LPP: variants seen among roughly 807,000 people sequenced by gnomAD.
LPP encodes lipoma-preferred partner.
A neutral mutation model predicts 60.4 loss-of-function variants in LPP; 38 were observed. That is an observed-to-expected ratio of 0.63 (90% CI 0.49 to 0.83). The LOEUF is 0.83. LPP is among the 40% of genes least tolerant of loss of function. LPP has a pLI of 0.00. For synonymous variants in LPP, 328 were observed against 290.8 expected (o/e 1.13, Z -1.30); for missense variants, 902 against 783.6 (o/e 1.15, Z -1.80).
intron 7 of LPP, among the ~76,000 whole-genome samples, chr3:188,691,008 G>A (rs745469080): frequency 2.0e-5 from 3 of 151,936 alleles, no homozygotes; most frequent in Non-Finnish European, 2.9e-5. Flanking sequence ...TTTTTCCCTA[G>A]AGAGAAACAG....
At chr3:188,829,853 G>A (rs556763742) in intron 9 of LPP, among the ~76,000 whole-genome samples, 23 of 151,822 alleles carry the variant, frequency 1.5e-4, no homozygotes, top group East Asian at 1.2e-3. Context: ...TTGCCCTCCC[G>A]GACACATGGG....
At chr3:188,186,075 T>A (rs574770588) in intron 1 of LPP, among the ~76,000 whole-genome samples, 6 of 151,880 alleles carry the variant, frequency 4.0e-5, no homozygotes, top group Admixed American at 6.5e-5. Flanking sequence ...CCCGGAGCCA[T>A]AGTTCTTGAG....
intron 2 of LPP, among the ~76,000 whole-genome samples, chr3:188,293,719 A>T (rs111525824): frequency 0.034 from 5,157 of 152,212 alleles, 287 homozygotes; most frequent in African/African-American, 0.12. Flanking sequence ...TAAAGTACTG[A>T]TATGGACTAC....
At chr3:188,688,760 A>G (rs760306309) in intron 7 of LPP, 3 of 503,280 alleles carry the variant, frequency 6.0e-6, no homozygotes. Flanking sequence ...GATGCTGAAG[A>G]TACAAGAAAA....
rs186782526 is a variant in LPP at position 188,697,169 on chromosome 3, C to T, written c.1114-11098C>T. Among the ~76,000 whole-genome samples, 21 of 152,252 alleles carry T rather than the reference C, an allele frequency of 1.4e-4. No individual in the cohort carries two copies. In the East Asian group the frequency reaches 2.5e-3, roughly 18 times the overall value. On this transcript the variant is annotated intron_variant, in intron 7 of 11. Transcript: ENST00000617246. The stretch of plus-strand genomic sequence containing the variant: ...TCTGTCAGAAGGTAGGATTGCTTGC[C>T]TAGGGTGGCATTGTTATTGAACAAA...
intron 5 of LPP, among the ~76,000 whole-genome samples, chr3:188,497,543 C>T (rs1202934650): frequency 6.6e-6 from 1 of 151,868 alleles, no homozygotes; most frequent in Non-Finnish European, 1.5e-5. Flanking sequence ...AGAAACTATC[C>T]CCTGAATAGA....
intron 7 of LPP, among the ~76,000 whole-genome samples, chr3:188,641,414 AG>A (rs367583575): frequency 3.3e-5 from 5 of 152,312 alleles, no homozygotes; most frequent in African/African-American, 1.2e-4. Flanking sequence ...AGGATTATAC[AG>A]TATTTTTATG....
intron 2 of LPP, among the ~76,000 whole-genome samples, chr3:188,317,460 T>C (rs1755420231): frequency 6.6e-6 from 1 of 152,194 alleles, no homozygotes; most frequent in Non-Finnish European, 1.5e-5. Context: ...TGATTTCCCA[T>C]CTCTGTGACT....
chr3:188,807,699 C>T (rs1749593912), intron 9 of LPP, among the ~76,000 whole-genome samples: 1 of 152,032 alleles, frequency 6.6e-6, no homozygotes, highest in Non-Finnish European at 1.5e-5. Context: ...ATTTTATTTT[C>T]ATAAGACAGA....
Position 188,609,681 on chromosome 3 carries a change from A to C in LPP, c.950A>C (p.Tyr317Ser). Reference sequence around the variant, plus strand: ...GGCAGAAATGACTCTGACCCTACCTATGGTCAACAAGGTCACCCAAATACC... The same window carrying C: ...GGCAGAAATGACTCTGACCCTACCTCTGGTCAACAAGGTCACCCAAATACC... ...YGGRNDSDPT[Y>S]GQQGHPNTWK... The change falls in exon 7 of 12, where the codon TAT becomes TCT. Residue 317 changes from tyrosine to serine, a missense_variant. Tyr to Ser is a moderately radical substitution (Grantham distance 144). Transcript: ENST00000617246. The surrounding 1 kb of genome is among the most constrained non-coding windows in gnomAD (Gnocchi z 6.9). The C allele has an allele frequency of 1.2e-6, 2 of 1,614,102 alleles. No homozygotes were observed. Among genetic ancestry groups the C allele is most frequent in the Non-Finnish European group, 1.7e-6 (2 of 1,179,998 alleles).
chr3:188,731,364 A>C (rs1161101890), intron 8 of LPP, among the ~76,000 whole-genome samples: 2 of 152,140 alleles, frequency 1.3e-5, no homozygotes, highest in Admixed American at 1.3e-4. Context: ...TAACAACCAC[A>C]TGAAGCTCCT....
intron 2 of LPP, among the ~76,000 whole-genome samples, chr3:188,280,359 A>G (rs1288989388): frequency 2.0e-5 from 3 of 152,124 alleles, no homozygotes; most frequent in East Asian, 3.9e-4. Context: ...GCCTATGACA[A>G]TTGAAGAGGT....
At position 188,326,991 on chromosome 3, in the gene LPP, C is replaced by G. The variant is rs373752552; in HGVS notation, c.-66-14672C>G. On this transcript the variant is annotated intron_variant, in intron 2 of 11. Coordinates refer to ENST00000617246, the MANE Select transcript of LPP (RefSeq NM_001375462.1). The stretch of plus-strand genomic sequence containing the variant: ...AACAAAGGAAAAACGAAACTCTTCT[C>G]TTTATTCAAGAATGTAGATTAAATT... Among the ~76,000 whole-genome samples the G allele has an allele frequency of 1.4e-4, 21 of 152,300 alleles. No homozygotes were observed. In the East Asian group the frequency reaches 3.5e-3, roughly 25 times the overall value.
intron 7 of LPP, among the ~76,000 whole-genome samples, chr3:188,639,609 C>T (rs1435044442): frequency 1.3e-5 from 2 of 148,352 alleles, no homozygotes; most frequent in Non-Finnish European, 3.0e-5. Context: ...ATTTTCGCAA[C>T]CTACTCATCT....
intron 9 of LPP, among the ~76,000 whole-genome samples, chr3:188,777,510 A>T (rs1452086272): frequency 6.6e-6 from 1 of 152,324 alleles, no homozygotes; most frequent in Non-Finnish European, 1.5e-5. Context: ...AATTATTTTA[A>T]GTGCCATAAT....
intron 2 of LPP, among the ~76,000 whole-genome samples, chr3:188,303,453 A>G (rs1399331150): frequency 6.6e-6 from 1 of 152,218 alleles, no homozygotes; most frequent in Non-Finnish European, 1.5e-5. Context: ...TTATAAATGA[A>G]TGAATGACTC....
At chr3:188,749,933 T>C (rs1322492426) in intron 8 of LPP, among the ~76,000 whole-genome samples, 1 of 152,238 alleles carries the variant, frequency 6.6e-6, no homozygotes, top group East Asian at 1.9e-4. Context: ...TTCATCCATT[T>C]TGTGCTGCTA....
At chr3:188,447,803 G>A (rs944545790) in intron 4 of LPP, among the ~76,000 whole-genome samples, 5 of 151,934 alleles carry the variant, frequency 3.3e-5, no homozygotes, top group Non-Finnish European at 7.4e-5. Context: ...TGACTCTCCG[G>A]GATTCTATAG....
intron 8 of LPP, among the ~76,000 whole-genome samples, chr3:188,753,707 T>G (rs558262192): frequency 1.3e-5 from 2 of 152,138 alleles, no homozygotes; most frequent in East Asian, 1.9e-4. Context: ...TCCGAAACTG[T>G]TTTGTGTCTA....
Sources: gnomAD v4.1 joint callset for allele counts (sites outside exome capture counted in the v4.1 genomes callset) on GRCh38, gnomAD v4.1.1 for gene constraint, Gnocchi (gnomAD v3.1) non-coding constraint, MANE v1.5 for transcripts, NCBI Gene and HGNC (gene_info 2026-07-23, HGNC 2026-07-21) for gene names.